SESN3: variants seen among roughly 807,000 people sequenced by gnomAD.
SESN3 encodes sestrin 3.
SESN3 carries 21 observed loss-of-function variants against 55.3 expected under a neutral mutation model. That is an observed-to-expected ratio of 0.38 (90% CI 0.27 to 0.55). The LOEUF (loss-of-function observed/expected upper bound fraction) is 0.55, where lower values mean the gene tolerates loss of function less well. Ranked by LOEUF, SESN3 falls within the 20% of genes least tolerant of loss-of-function variation. The pLI, the probability that SESN3 is intolerant of heterozygous loss-of-function variation, is 0.76. For missense variants in SESN3, 408 were observed against 604.3 expected (o/e 0.68, Z 3.41); for synonymous variants, 181 against 203.1 (o/e 0.89, Z 0.93).
chr11:95,231,952 CTTGT>C (rs1861079029), upstream of SESN3: 2 of 152,152 alleles, frequency 1.3e-5, no homozygotes, highest in Non-Finnish European at 2.9e-5. Context: ...GCGGTTTCCT[CTTGT>C]TTGTGAAGCA....
chr11:95,177,190 T>A (rs2134216406), intron 8 of SESN3, among the ~76,000 whole-genome samples: 1 of 152,322 alleles, frequency 6.6e-6, no homozygotes, highest in African/African-American at 2.4e-5. Flanking sequence ...TACTGTCCTC[T>A]CAATGCTAAT....
At position 95,230,798 on chromosome 11, in the gene SESN3, C is replaced by A. The variant is rs1262363492; in HGVS notation, c.63G>T (p.Arg21=). ...AANYLLCTNC[R]KVLRKDKRIR... is the part of the protein sequence containing the mutation. ...GAACCCGTACCTTCCGCAGCACTTT[C>A]CGGCAGTTGGTACAGAGCAGGTAGT... The change falls in exon 1 of 10, where the codon CGG becomes CGT. Residue 21 remains arginine, a synonymous_variant. Coordinates refer to ENST00000536441, the MANE Select transcript of SESN3 (RefSeq NM_144665.4). The surrounding 1 kb of genome is among the most constrained non-coding windows in gnomAD (Gnocchi z 4.6). The A allele has an allele frequency of 3.1e-6, 5 of 1,607,284 alleles. No individual in the cohort carries two copies. Among genetic ancestry groups the A allele is most frequent in the African/African-American group, 2.7e-5 (2 of 74,080 alleles).
At chr11:95,175,435 T>TAACTATTACTTCTTGTACTGAAG in intron 9 of SESN3, 63 bp downstream of exon 9, 1 of 1,340,194 alleles carries the variant, frequency 7.5e-7, no homozygotes. Flanking sequence ...TCATTTTTCA[T>TAACTATTACTTCTTGTACTGAAG]AACTATTACT....
In SESN3 at chr11:95,184,469, T is replaced by A. The variant is rs1860125851; in HGVS notation, c.888A>T (p.Glu296Asp). 6.2e-7 allele frequency: 1 copy of A among 1,613,486 alleles called. No homozygotes were observed. The highest frequency in any genetic ancestry group is 8.5e-7 in the Non-Finnish European group (1 of 1,179,786). Residue 296 changes from glutamate (E) to aspartate (D), a missense_variant, in exon 6 of 10, where the codon GAA (glutamate) becomes GAT (aspartate). Physicochemically the swap from Glu to Asp is conservative, Grantham distance 45. Around this residue, in one of 4 missense-constraint regions of SESN3, gnomAD observed 119 missense variants for 139.9 expected, o/e 0.85. Coordinates refer to ENST00000536441, the MANE Select transcript of SESN3 (RefSeq NM_144665.4). The stretch of plus-strand genomic sequence containing the variant: ...TATCTCCAGAGACCACAAAAAGACT[T>A]TCTTTCTTCTCCTTTTCAAAACGAG... ...MSTRFEKEKK[E>D]SLFVVSGDTF...
intron 1 of SESN3, among the ~76,000 whole-genome samples, chr11:95,202,873 G>T (rs1860484057): frequency 6.6e-6 from 1 of 151,978 alleles, no homozygotes; most frequent in African/African-American, 2.4e-5. Context: ...TCTGTATTGT[G>T]TAACAATAAA....
intron 3 of SESN3, 86 bp from the exon 4 acceptor site, chr11:95,190,047 G>T: frequency 2.0e-6 from 2 of 1,010,128 alleles, no homozygotes; most frequent in Non-Finnish European, 2.8e-6. Context: ...TTCAGATGGA[G>T]CTAATGATTT....
chr11:95,213,221 T>C (rs1010168918), intron 1 of SESN3, among the ~76,000 whole-genome samples: 3 of 152,204 alleles, frequency 2.0e-5, no homozygotes, highest in African/African-American at 7.2e-5. Flanking sequence ...ATAGATCAGT[T>C]GCCCAGTATT....
At chr11:95,192,677 T>A (rs1860289859) in intron 2 of SESN3, among the ~76,000 whole-genome samples, 1 of 152,058 alleles carries the variant, frequency 6.6e-6, no homozygotes, top group Non-Finnish European at 1.5e-5. Flanking sequence ...GGAAATTTAA[T>A]CCCAAAGGAA....
intron 6 of SESN3, among the ~76,000 whole-genome samples, chr11:95,181,854 T>A (rs562070874): frequency 6.6e-6 from 1 of 152,250 alleles, no homozygotes; most frequent in South Asian, 2.1e-4. Context: ...AATGACTCAA[T>A]TAGCTATTGT....
chr11:95,181,794 C>T (rs948080800), intron 6 of SESN3, among the ~76,000 whole-genome samples: 5 of 151,830 alleles, frequency 3.3e-5, no homozygotes, highest in African/African-American at 1.2e-4. Context: ...TTTTTTAATA[C>T]CAAAAAAAAC....
At chr11:95,196,421 C>A (rs1860361732) in intron 1 of SESN3, among the ~76,000 whole-genome samples, 1 of 151,878 alleles carries the variant, frequency 6.6e-6, no homozygotes, top group African/African-American at 2.4e-5. Context: ...AGATCAAATA[C>A]AAAAGAAATA....
rs914662675 is a variant in SESN3, at chr11:95,168,712, T to C, written c.*4543A>G. ...GGATGGTTGAGGGATTTAGAAGGAGTTGGGATGAATCCATAGTCTCAATGA... is the reference window on the plus strand; with the variant it reads ...GGATGGTTGAGGGATTTAGAAGGAGCTGGGATGAATCCATAGTCTCAATGA... On this transcript the variant is annotated 3_prime_UTR_variant, in exon 10 of 10. Coordinates refer to ENST00000536441, the MANE Select transcript of SESN3 (RefSeq NM_144665.4). 1 of 152,174 alleles carries C rather than the reference T, an allele frequency of 6.6e-6. No homozygotes were observed. The highest frequency in any genetic ancestry group is 2.4e-5 in the African/African-American group (1 of 41,422). 9.4% of individuals were successfully genotyped at this position (152,174 alleles called of 1,614,324 possible).
intron 4 of SESN3, among the ~76,000 whole-genome samples, chr11:95,186,018 C>CT (rs1313562180): frequency 2.6e-5 from 4 of 151,876 alleles, no homozygotes; most frequent in African/African-American, 9.7e-5. Context: ...TTTCCAAGCA[C>CT]TTTTTCATAT....
chr11:95,205,942 G>A (rs1860538448), intron 1 of SESN3, among the ~76,000 whole-genome samples: 1 of 152,052 alleles, frequency 6.6e-6, no homozygotes, highest in Non-Finnish European at 1.5e-5. Flanking sequence ...AGAAAGGCAA[G>A]ATCTCCAACA....
chr11:95,197,228 A>G (rs1473575656), intron 1 of SESN3, among the ~76,000 whole-genome samples: 6 of 152,126 alleles, frequency 3.9e-5, no homozygotes, highest in Non-Finnish European at 7.4e-5. Flanking sequence ...TTCTTCTCAC[A>G]TAACTGAAAT....
intron 1 of SESN3, among the ~76,000 whole-genome samples, chr11:95,197,083 G>T (rs190902799): frequency 6.6e-6 from 1 of 152,140 alleles, no homozygotes; most frequent in South Asian, 2.1e-4. Flanking sequence ...TCAAGGGCAC[G>T]CTCACTTTCC....
intron 2 of SESN3, 71 bp from the exon 3 acceptor site, chr11:95,191,672 G>T (rs1198882382): frequency 8.7e-7 from 1 of 1,144,298 alleles, no homozygotes; most frequent in Non-Finnish European, 1.3e-6. Context: ...AATAAATTAT[G>T]CCACTATTGA....
chr11:95,191,084 T>C (rs1860258724), intron 3 of SESN3, among the ~76,000 whole-genome samples: 2 of 152,050 alleles, frequency 1.3e-5, no homozygotes, highest in Admixed American at 1.3e-4. Flanking sequence ...TGTGTTTGTA[T>C]AAAAACAAGA....
At chr11:95,225,280 C>T (rs1860928476) in intron 1 of SESN3, among the ~76,000 whole-genome samples, 1 of 152,114 alleles carries the variant, frequency 6.6e-6, no homozygotes, top group Non-Finnish European at 1.5e-5. Context: ...GGGTTTTGGA[C>T]CCACAGGGAT....
Sources: gnomAD v4.1 joint callset for allele counts (sites outside exome capture counted in the v4.1 genomes callset) on GRCh38, gnomAD v4.1.1 for gene constraint, gnomAD v4.1.1 regional missense constraint, Gnocchi (gnomAD v3.1) non-coding constraint, MANE v1.5 for transcripts, NCBI Gene and HGNC (gene_info 2026-07-23, HGNC 2026-07-21) for gene names.